Variants in PIGL observed in about 807,000 individuals in gnomAD.
The protein encoded by PIGL is N-acetylglucosaminyl-phosphatidylinositol de-N-acetylase.
Under a neutral mutation model 31.1 loss-of-function variants are expected in PIGL, and 22 were observed. The ratio of observed to expected loss-of-function variants is 0.71; its 90% CI spans 0.51 to 1.01. PIGL has a LOEUF of 1.01. PIGL is among the 50% of genes least tolerant of loss of function. The pLI is 0.00. For synonymous variants in PIGL, 131 were observed against 117.4 expected, an observed-to-expected ratio of 1.12 and a Z score of -0.75; for missense variants, 302 against 315.9, an observed-to-expected ratio of 0.96 and a Z score of 0.33.
At chr17:16,266,639 A>C (rs1327610351) in intron 2 of PIGL, among the ~76,000 whole-genome samples, 2 of 151,528 alleles carry the variant, frequency 1.3e-5, no homozygotes, top group African/African-American at 4.8e-5. Flanking sequence ...TCTGTTGCCC[A>C]AGGTGGAGTG....
chr17:16,274,785 G>A (rs535915463), intron 2 of PIGL, among the ~76,000 whole-genome samples: 7 of 149,182 alleles, frequency 4.7e-5, no homozygotes, highest in East Asian at 4.0e-4. Flanking sequence ...TAATATCAGC[G>A]TTTTAGGAGG....
chr17:16,229,246 C>T lies in PIGL; in HGVS notation c.236-4725C>T, dbSNP rs117174410. Among the ~76,000 whole-genome samples, 148 of 151,958 alleles carry T rather than the reference C, an allele frequency of 9.7e-4. 2 individuals are homozygous for T. The East Asian group carries it at 0.025, about 26-fold the overall frequency. On this transcript the variant is annotated intron_variant, in intron 1 of 6. Transcript: ENST00000225609. ...AAGCTCTGATCAGTCTGCTGCATTC[C>T]GGCCTGGGTGACAGAGCAAGTCCCT...
intron 2 of PIGL, among the ~76,000 whole-genome samples, chr17:16,240,094 C>T (rs1370574067): frequency 6.6e-6 from 1 of 152,138 alleles, no homozygotes; most frequent in Admixed American, 6.6e-5. Flanking sequence ...AATAGTTTAG[C>T]ACTATCCTCC....
chr17:16,316,934 G>C (rs758922762), intron 5 of PIGL: 124 of 1,332,088 alleles, frequency 9.3e-5, no homozygotes, highest in Admixed American at 1.2e-4. Context: ...GGGGAGGCCA[G>C]GTTTGCCCCT....
At chr17:16,300,302 G>A (rs2092999003) in intron 3 of PIGL, 2 of 241,042 alleles carry the variant, frequency 8.3e-6, no homozygotes, top group Non-Finnish European at 1.6e-5. Context: ...AGGTCCCCCA[G>A]AGCCTGCCCA....
At chr17:16,299,456 A>G (rs1163130630) in intron 2 of PIGL, among the ~76,000 whole-genome samples, 1 of 152,210 alleles carries the variant, frequency 6.6e-6, no homozygotes, top group Non-Finnish European at 1.5e-5. Flanking sequence ...AAAGAAAAAA[A>G]CAAAACAAAA....
In PIGL at chr17:16,238,153, G is replaced by A. The variant is rs1471187657; in HGVS notation, c.335+4083G>A. ...GGAGGTTGCAGTGAGCCGAGATCGC[G>A]CCATTGCACTCCAGCCTGGGTGACA... On this transcript the variant is annotated intron_variant, in intron 2 of 6. Transcript: ENST00000225609. Among the ~76,000 whole-genome samples, 5 of 143,496 alleles carry A rather than the reference G, an allele frequency of 3.5e-5. No individual in the cohort carries two copies. In the East Asian group the frequency reaches 8.4e-4, roughly 24 times the overall value. 94.1% of individuals were successfully genotyped at this position (143,496 alleles called of 152,430 possible).
intron 2 of PIGL, among the ~76,000 whole-genome samples, chr17:16,249,372 G>C (rs140007302): frequency 1.3e-5 from 2 of 152,126 alleles, no homozygotes; most frequent in East Asian, 3.8e-4. Context: ...CCAGCTACTC[G>C]GGAGGCTGAG....
chr17:16,235,381 T>C (rs1265251369), intron 2 of PIGL, among the ~76,000 whole-genome samples: 1 of 151,242 alleles, frequency 6.6e-6, no homozygotes, highest in African/African-American at 2.4e-5. Context: ...TATGTTGTCA[T>C]ACAGAATGTC....
intron 1 of PIGL, among the ~76,000 whole-genome samples, chr17:16,220,628 C>T (rs2092624170): frequency 6.6e-6 from 1 of 151,550 alleles, no homozygotes; most frequent in Non-Finnish European, 1.5e-5. Flanking sequence ...AGCGGGATTA[C>T]AGGCATTCAC....
intron 1 of PIGL, among the ~76,000 whole-genome samples, chr17:16,218,612 A>T (rs1181348453): frequency 6.6e-6 from 1 of 151,930 alleles, no homozygotes; most frequent in East Asian, 1.9e-4. Context: ...ATTAATTTTT[A>T]AAATTGGCTG....
intron 2 of PIGL, among the ~76,000 whole-genome samples, chr17:16,244,329 A>G (rs1317439742): frequency 6.6e-6 from 1 of 152,214 alleles, no homozygotes; most frequent in Non-Finnish European, 1.5e-5. Flanking sequence ...AGTTCATCCT[A>G]TGCCCAGGAA....
At chr17:16,307,241 C>CT (rs1030080184) in intron 3 of PIGL, among the ~76,000 whole-genome samples, 2 of 152,218 alleles carry the variant, frequency 1.3e-5, no homozygotes, top group African/African-American at 4.8e-5. Context: ...CCATGGCACT[C>CT]TGAGAGGATG....
chr17:16,269,501 A>T (rs1600804181), intron 2 of PIGL, among the ~76,000 whole-genome samples: 5 of 152,224 alleles, frequency 3.3e-5, no homozygotes. Context: ...TACAAAAAAA[A>T]TTAGCTGGGT....
intron 2 of PIGL, among the ~76,000 whole-genome samples, chr17:16,249,027 A>G (rs1184108911): frequency 6.6e-6 from 1 of 152,178 alleles, no homozygotes; most frequent in Non-Finnish European, 1.5e-5. Context: ...GTTCTATCAG[A>G]TTAGGGCCCC....
At chr17:16,318,014 G>C in intron 6 of PIGL, 106 bp downstream of exon 6, 1 of 918,350 alleles carries the variant, frequency 1.1e-6, no homozygotes, top group Non-Finnish European at 1.7e-6. Context: ...GTTTTTCACA[G>C]TGGTTCAGCA....
intron 2 of PIGL, among the ~76,000 whole-genome samples, chr17:16,295,354 G>T (rs2092976874): frequency 6.8e-6 from 1 of 148,048 alleles, no homozygotes; most frequent in Non-Finnish European, 1.5e-5. Context: ...AGTGAGCTGA[G>T]ATCATGCCAC....
At chr17:16,234,211 T>C (rs1472352669) in intron 2 of PIGL, 141 bp downstream of exon 2, 4 of 560,982 alleles carry the variant, frequency 7.1e-6, no homozygotes, top group Non-Finnish European at 1.3e-5. Context: ...GGTTCACGCT[T>C]GTAATCCCAG....
At chr17:16,314,629 G>T (rs1396025204) in intron 4 of PIGL, among the ~76,000 whole-genome samples, 1 of 152,162 alleles carries the variant, frequency 6.6e-6, no homozygotes, top group Non-Finnish European at 1.5e-5. Context: ...CTTGACTATG[G>T]AATGAGGGGA....
Sources: allele counts gnomAD v4.1 joint callset (sites outside exome capture counted in the v4.1 genomes callset), GRCh38; gene constraint gnomAD v4.1.1; transcripts MANE v1.5; gene names NCBI Gene and HGNC (gene_info 2026-07-23, HGNC 2026-07-21).